The following EXOC6B variants were observed in gnomAD, a reference collection of about 807,000 sequenced individuals.
EXOC6B encodes SEC15 homolog B.
EXOC6B carries 54 observed loss-of-function variants against 113.5 expected under a neutral mutation model. The ratio of observed to expected loss-of-function variants is 0.48; its 90% CI spans 0.38 to 0.60. The LOEUF (loss-of-function observed/expected upper bound fraction) is 0.60. EXOC6B is among the 20% of genes least tolerant of loss of function. The pLI is 0.00. For synonymous variants in EXOC6B, 357 were observed against 339.0 expected, an observed-to-expected ratio of 1.05 and a Z score of -0.58; for missense variants, 797 against 977.5, an observed-to-expected ratio of 0.82 and a Z score of 2.46.
chr2:72,573,904 G>A (rs185065297), intron 7 of EXOC6B, among the ~76,000 whole-genome samples: 9 of 151,912 alleles, frequency 5.9e-5, no homozygotes, highest in Admixed American at 3.9e-4. Context: ...TCACGACGTC[G>A]GGTGATCCAG....
At chr2:72,522,297 G>C (rs369024742) in intron 8 of EXOC6B, among the ~76,000 whole-genome samples, 14 of 151,958 alleles carry the variant, frequency 9.2e-5, no homozygotes, top group African/African-American at 2.7e-4. Flanking sequence ...GTACTACCTG[G>C]GGAAGGGCGC....
chr2:72,435,964 C>T (rs1271337271), intron 18 of EXOC6B, among the ~76,000 whole-genome samples: 2 of 152,142 alleles, frequency 1.3e-5, no homozygotes, highest in Non-Finnish European at 2.9e-5. Flanking sequence ...TTATTTTGCA[C>T]ATTAGTTGAT....
intron 6 of EXOC6B, among the ~76,000 whole-genome samples, chr2:72,601,701 C>A (rs1670446249): frequency 6.6e-6 from 1 of 152,072 alleles, no homozygotes; most frequent in Non-Finnish European, 1.5e-5. Context: ...AAATTTATGT[C>A]CACAAAAAAA....
chr2:72,669,121 A>AT (rs1363336125), intron 6 of EXOC6B, among the ~76,000 whole-genome samples: 5 of 151,988 alleles, frequency 3.3e-5, no homozygotes, highest in African/African-American at 1.2e-4. Context: ...AATAAATTCT[A>AT]TTAGTTTAAA....
intron 1 of EXOC6B, among the ~76,000 whole-genome samples, chr2:72,768,088 G>A (rs1466261688): frequency 1.5e-5 from 2 of 137,720 alleles, no homozygotes; most frequent in Non-Finnish European, 3.1e-5. Flanking sequence ...CTGCACTCCA[G>A]ATTCCAGCCT....
chr2:72,193,187 C>T (rs1460657053), intron 20 of EXOC6B, among the ~76,000 whole-genome samples: 2 of 152,136 alleles, frequency 1.3e-5, no homozygotes, highest in Non-Finnish European at 2.9e-5. Context: ...GATAGTGTGA[C>T]CCCAGGCATG....
At chr2:72,314,640 T>G (rs1032593603) in intron 20 of EXOC6B, among the ~76,000 whole-genome samples, 3 of 152,142 alleles carry the variant, frequency 2.0e-5, no homozygotes, top group Non-Finnish European at 4.4e-5. Context: ...TTTAGGAAAA[T>G]CCTGTCTCTA....
At chr2:72,529,024 G>A (rs1011525880) in intron 8 of EXOC6B, among the ~76,000 whole-genome samples, 7 of 152,016 alleles carry the variant, frequency 4.6e-5, no homozygotes, top group African/African-American at 1.7e-4. Flanking sequence ...TTTCCATTCT[G>A]CATGCCCTTT....
chr2:72,289,256 T>C (rs569784346), intron 20 of EXOC6B: 1 of 157,268 alleles, frequency 6.4e-6, no homozygotes, highest in Non-Finnish European at 1.4e-5. Flanking sequence ...TAATATTCTG[T>C]ATTTTGATCA....
chr2:72,362,992 T>C (rs1179587230), intron 19 of EXOC6B, among the ~76,000 whole-genome samples: 2 of 152,110 alleles, frequency 1.3e-5, no homozygotes, highest in East Asian at 3.9e-4. Context: ...GACTGAATAT[T>C]CCTAGTGCAT....
intron 6 of EXOC6B, among the ~76,000 whole-genome samples, chr2:72,636,061 T>A (rs1267226261): frequency 2.0e-5 from 3 of 151,860 alleles, no homozygotes; most frequent in Admixed American, 2.0e-4. Flanking sequence ...AAACAAAAAA[T>A]TTCTTTAAAA....
At chr2:72,386,899 C>T (rs1266983871) in intron 18 of EXOC6B, among the ~76,000 whole-genome samples, 1 of 151,872 alleles carries the variant, frequency 6.6e-6, no homozygotes, top group African/African-American at 2.4e-5. Context: ...CATTAGTGTC[C>T]GTTTTGTGCC....
At chr2:72,465,435 C>G (rs1697986279) in intron 17 of EXOC6B, 96 bp from the exon 18 acceptor site, 3 of 906,146 alleles carry the variant, frequency 3.3e-6, no homozygotes, top group South Asian at 1.8e-5. Context: ...CATTAAGTAA[C>G]TGGGAATATA....
chr2:72,773,120 C>CTTTTTTTTTTTTTTTTTTT lies in EXOC6B; in HGVS notation c.114-31670_114-31652dup, dbSNP rs1254377634. Among the ~76,000 whole-genome samples the CTTTTTTTTTTTTTTTTTTT allele has an allele frequency of 1.2e-4, 11 of 94,892 alleles. 1 individual carries two copies. The highest frequency in any genetic ancestry group is 5.2e-4 in the African/African-American group (11 of 21,324). The allele number at this position is 94,892 out of a possible 152,430, so 62.3% of individuals were successfully genotyped here. A position where few individuals can be genotyped will look rare whatever the true frequency, so the allele number is the denominator to read the frequency against. On this transcript the variant is annotated intron_variant, in intron 1 of 21. Transcript: ENST00000272427. ...GCTAAGACAGTAGACCTTAGATTTTCTTTTTTTTTTTTTTTTTTTTTTGTG... is the reference window on the plus strand; with the variant it reads ...GCTAAGACAGTAGACCTTAGATTTTCTTTTTTTTTTTTTTTTTTTTTTTTTTTTTTTTTTTTTTTTTGTG...
At chr2:72,574,111 CAA>C (rs11364486) in intron 7 of EXOC6B, among the ~76,000 whole-genome samples, 1,555 of 110,304 alleles carry the variant, frequency 0.014, 36 homozygotes, top group African/African-American at 0.044. Context: ...GACTCCATCG[CAA>C]AAAAAAAAAA....
At chr2:72,646,860 A>C (rs1470275029) in intron 6 of EXOC6B, among the ~76,000 whole-genome samples, 1 of 152,232 alleles carries the variant, frequency 6.6e-6, no homozygotes, top group African/African-American at 2.4e-5. Context: ...AATGGGCAAA[A>C]ACTGGAAGCA....
chr2:72,668,058 T>G (rs1178443990), intron 6 of EXOC6B, among the ~76,000 whole-genome samples: 1 of 152,086 alleles, frequency 6.6e-6, no homozygotes, highest in Admixed American at 6.5e-5. Context: ...GCAAAGGACA[T>G]GAACAGACAC....
At chr2:72,683,461 G>T (rs1676859571) in intron 6 of EXOC6B, among the ~76,000 whole-genome samples, 1 of 152,080 alleles carries the variant, frequency 6.6e-6, no homozygotes, top group Non-Finnish European at 1.5e-5. Flanking sequence ...TGTATGCATA[G>T]TTCAAGCCCA....
chr2:72,767,414 G>A (rs959174990), intron 1 of EXOC6B, among the ~76,000 whole-genome samples: 1 of 151,906 alleles, frequency 6.6e-6, no homozygotes, highest in African/African-American at 2.4e-5. Context: ...CTGGGCAAAA[G>A]AGCAAAACTC....
Sources: gnomAD v4.1 joint callset for allele counts (sites outside exome capture counted in the v4.1 genomes callset) on GRCh38, gnomAD v4.1.1 for gene constraint, MANE v1.5 for transcripts, NCBI Gene and HGNC (gene_info 2026-07-23, HGNC 2026-07-21) for gene names.